The following CORO2A variants were observed in gnomAD, a reference collection of about 807,000 sequenced individuals.
The protein encoded by CORO2A is coronin-2A.
Under a neutral mutation model 62.4 loss-of-function variants are expected in CORO2A, and 47 were observed. That is an observed-to-expected ratio of 0.75 (90% CI 0.60 to 0.96). CORO2A has a LOEUF of 0.96. CORO2A is among the 40% of genes least tolerant of loss of function. The probability of loss-of-function intolerance (pLI) is 0.00; values close to 1 mark genes in which losing one functional copy is unlikely to be tolerated. For missense variants in CORO2A, 610 were observed against 684.1 expected (o/e 0.89, Z 1.21); for synonymous variants, 273 against 268.9 (o/e 1.02, Z -0.15).
In CORO2A at chr9:98,123,528, C is replaced by T. The variant is rs868769036; in HGVS notation, c.*1246G>A. Reference sequence around the variant, plus strand: ...TTTTTTTTTTGGAGATGGAGTCTCGCTCTGTCACCCAGGCTGCAGTGCAGT... The same window carrying T: ...TTTTTTTTTTGGAGATGGAGTCTCGTTCTGTCACCCAGGCTGCAGTGCAGT... On this transcript the variant is annotated 3_prime_UTR_variant, in exon 12 of 12. Coordinates refer to ENST00000375077, the MANE Select transcript of CORO2A (RefSeq NM_052820.4). The T allele has an allele frequency of 6.7e-6, 1 of 150,108 alleles. No individual in the cohort carries two copies. Among genetic ancestry groups the T allele is most frequent in the African/African-American group, 2.5e-5 (1 of 40,552 alleles). 9.3% of individuals were successfully genotyped at this position (150,108 alleles called of 1,614,324 possible).
intron 1 of CORO2A, among the ~76,000 whole-genome samples, chr9:98,176,743 A>G (rs1373789601): frequency 6.6e-6 from 1 of 152,146 alleles, no homozygotes; most frequent in Non-Finnish European, 1.5e-5. Flanking sequence ...GCAGGTCCCC[A>G]AAAGGATCCC....
intron 2 of CORO2A, among the ~76,000 whole-genome samples, chr9:98,140,986 T>A (rs1827557525): frequency 6.6e-6 from 1 of 152,142 alleles, no homozygotes; most frequent in African/African-American, 2.4e-5. Context: ...TGTACTGCAG[T>A]AATGTAAGAG....
At chr9:98,147,592 A>G (rs996099060) in intron 2 of CORO2A, among the ~76,000 whole-genome samples, 3 of 152,246 alleles carry the variant, frequency 2.0e-5, no homozygotes, top group Non-Finnish European at 4.4e-5. Flanking sequence ...GAGGGAAGTC[A>G]GATTTAGCAA....
intron 7 of CORO2A, among the ~76,000 whole-genome samples, chr9:98,130,611 C>G: frequency 6.6e-6 from 1 of 152,330 alleles, no homozygotes; most frequent in East Asian, 1.9e-4. Context: ...AGATGCTGTT[C>G]TTGGCACTGG....
chr9:98,131,939 C>T (rs1827414385), intron 6 of CORO2A, among the ~76,000 whole-genome samples: 2 of 152,150 alleles, frequency 1.3e-5, no homozygotes, highest in Admixed American at 1.3e-4. Flanking sequence ...GCTACCTCCC[C>T]TCCTCTAGCC....
chr9:98,155,526 T>C (rs1037751777), intron 2 of CORO2A, among the ~76,000 whole-genome samples: 1 of 152,066 alleles, frequency 6.6e-6, no homozygotes, highest in Middle Eastern at 3.4e-3. Flanking sequence ...TTTGTATTTT[T>C]AGTAGAGACG....
chr9:98,180,200 A>G (rs1828160205), intron 1 of CORO2A, among the ~76,000 whole-genome samples: 1 of 152,110 alleles, frequency 6.6e-6, no homozygotes, highest in South Asian at 2.1e-4. Context: ...TCTTATACTG[A>G]GCCAAACCAG....
At chr9:98,190,311 G>C (rs1250071436) in intron 1 of CORO2A, among the ~76,000 whole-genome samples, 1 of 152,028 alleles carries the variant, frequency 6.6e-6, no homozygotes, top group Non-Finnish European at 1.5e-5. Flanking sequence ...ATGATAACAG[G>C]CTGCCAGGTT....
Position 98,128,731 on chromosome 9 carries a change from C to T in CORO2A, c.968-12G>A, listed in dbSNP as rs1400775299. On this transcript the variant is annotated splice_polypyrimidine_tract_variant and intron_variant, in intron 8 of 11. Transcript: ENST00000375077. ...CTTTGGCATGACACCTGAAGGCAGA[C>T]AGGGAGGGCCAAGAGGTTCTGGCTA... The T allele has an allele frequency of 1.1e-5, 17 of 1,611,256 alleles. No individual in the cohort carries two copies. In the Admixed American group the frequency reaches 2.5e-4, roughly 24 times the overall value.
chr9:98,159,716 C>T lies in CORO2A; in HGVS notation c.1-2056G>A, dbSNP rs948671112. On this transcript the variant is annotated intron_variant, in intron 1 of 11. Coordinates refer to ENST00000375077, the MANE Select transcript of CORO2A (RefSeq NM_052820.4). ...CCTCTGTTCCCTGACAGCCACCTCT[C>T]CCCTTGCCTTTAGCCCTTGACACTG... 1.5e-4 allele frequency among the ~76,000 whole-genome samples: 23 copies of T among 152,058 alleles called. 1 individual carries two copies. The highest frequency in any genetic ancestry group is 1.2e-3 in the Admixed American group (19 of 15,262).
At chr9:98,146,089 G>A (rs1827640872) in intron 2 of CORO2A, among the ~76,000 whole-genome samples, 1 of 152,130 alleles carries the variant, frequency 6.6e-6, no homozygotes, top group Non-Finnish European at 1.5e-5. Context: ...TGTCCATTAG[G>A]CCCTCAGGCC....
At position 98,157,639 on chromosome 9, in the gene CORO2A, G is replaced by T; in HGVS notation, c.22C>A (p.Arg8=). Residue 8 remains arginine (R), a synonymous_variant, in exon 2 of 12, where the codon CGG becomes AGG. Transcript: ENST00000375077. MSWHPQY[R]SSKFRHVFGK... ...AAGACATGACGGAACTTGGAGCTCC[G>T]GTACTGGGGGTGCCATGACATCTGC... 1 of 1,613,536 alleles carries T rather than the reference G, an allele frequency of 6.2e-7. No homozygotes were observed. The highest frequency in any genetic ancestry group is 1.7e-5 in the Admixed American group (1 of 59,980).
At chr9:98,187,077 A>G (rs1244658210) in intron 1 of CORO2A, among the ~76,000 whole-genome samples, 1 of 152,022 alleles carries the variant, frequency 6.6e-6, no homozygotes, top group Non-Finnish European at 1.5e-5. Context: ...CAGGAGATTG[A>G]GGCCATCCTG....
Position 98,129,782 on chromosome 9 carries a change from T to TC in CORO2A, c.967+11dup, listed in dbSNP as rs1827378477. 4 of 1,599,854 alleles carry TC rather than the reference T, an allele frequency of 2.5e-6. No homozygotes were observed. The highest frequency in any genetic ancestry group is 3.4e-6 in the Non-Finnish European group (4 of 1,167,562). On this transcript the variant is annotated intron_variant, in intron 8 of 11. Coordinates refer to ENST00000375077, the MANE Select transcript of CORO2A (RefSeq NM_052820.4). ...GGGATTACAGGCATGAACTTCAGTG[T>TC]CCCTCACTTACCGATCCCCTTCTGT... is the stretch of plus-strand genomic sequence containing the variant.
chr9:98,131,118 C>A, intron 6 of CORO2A, 59 bp from the exon 7 acceptor site: 1 of 1,157,406 alleles, frequency 8.6e-7, no homozygotes, highest in Non-Finnish European at 1.3e-6. Flanking sequence ...CTCAGTGGTG[C>A]TCCCGGAGAT....
chr9:98,162,037 CA>C (rs1305185442), intron 1 of CORO2A, among the ~76,000 whole-genome samples: 1 of 152,186 alleles, frequency 6.6e-6, no homozygotes, highest in Non-Finnish European at 1.5e-5. Flanking sequence ...TGAGTGCTTA[CA>C]AGCTGCCAGG....
At chr9:98,131,130 A>C in intron 6 of CORO2A, 71 bp from the exon 7 acceptor site, 2 of 1,010,642 alleles carry the variant, frequency 2.0e-6, no homozygotes, top group Non-Finnish European at 3.0e-6. Flanking sequence ...CCCGGAGATA[A>C]GAATTGCTGC....
chr9:98,172,091 C>T (rs571765111), intron 1 of CORO2A, among the ~76,000 whole-genome samples: 21 of 152,086 alleles, frequency 1.4e-4, no homozygotes, highest in East Asian at 5.8e-4. Flanking sequence ...TGAGGCCTTC[C>T]GTGCTTGGAC....
chr9:98,134,660 C>T (rs2118815828), intron 4 of CORO2A, 146 bp downstream of exon 4: 3 of 928,848 alleles, frequency 3.2e-6, no homozygotes, highest in East Asian at 5.7e-5. Context: ...AGGATTCTTC[C>T]CTAGGGCATC....
Sources: gnomAD v4.1 joint callset for allele counts (sites outside exome capture counted in the v4.1 genomes callset) on GRCh38, gnomAD v4.1.1 for gene constraint, MANE v1.5 for transcripts, NCBI Gene and HGNC (gene_info 2026-07-23, HGNC 2026-07-21) for gene names.